IKBIP: variants seen among roughly 807,000 people sequenced by gnomAD.
The protein encoded by IKBIP is IKBKB interacting protein.
IKBIP carries 28 observed loss-of-function variants against 31.0 expected under a neutral mutation model. The observed-to-expected ratio is 0.90, with a 90% CI of 0.67 to 1.24. The LOEUF (loss-of-function observed/expected upper bound fraction) is 1.24. IKBIP is among the 50% of genes most tolerant of loss of function. The probability of loss-of-function intolerance (pLI) is 0.00; values close to 1 mark genes in which losing one functional copy is unlikely to be tolerated. For synonymous variants in IKBIP, 164 were observed against 160.3 expected, an observed-to-expected ratio of 1.02 and a Z score of -0.17; for missense variants, 453 against 441.9, an observed-to-expected ratio of 1.03 and a Z score of -0.23.
chr12:98,619,281 T>C (rs1482530361), downstream of IKBIP, among the ~76,000 whole-genome samples: 7 of 152,258 alleles, frequency 4.6e-5, no homozygotes, highest in East Asian at 1.3e-3. Context: ...TTAATCTATT[T>C]CATTACCAGG....
chr12:98,634,663 T>C (rs977125636), intron 1 of IKBIP, among the ~76,000 whole-genome samples: 3 of 149,970 alleles, frequency 2.0e-5, no homozygotes, highest in African/African-American at 7.3e-5. Flanking sequence ...ACCTCCCAAA[T>C]AGCTAGGACT....
downstream of IKBIP, among the ~76,000 whole-genome samples, chr12:98,622,930 T>C (rs2097611219): frequency 6.9e-6 from 1 of 144,824 alleles, no homozygotes; most frequent in African/African-American, 2.9e-5. Context: ...ATTAGGTGCT[T>C]GTATTGTAAA....
chr12:98,613,643 A>T (rs778109580), exon 3 of IKBIP: 1 of 1,568,666 alleles, frequency 6.4e-7, no homozygotes, highest in Non-Finnish European at 8.7e-7. Context: ...CTCAGCTTGG[A>T]CTATTGTTAA....
chr12:98,638,038 G>C (rs1333981683), intron 1 of IKBIP, among the ~76,000 whole-genome samples: 2 of 152,072 alleles, frequency 1.3e-5, no homozygotes, highest in Non-Finnish European at 2.9e-5. Context: ...AAGCAATTAG[G>C]GTCTGCTAAA....
At chr12:98,635,149 C>T (rs917435939) in intron 1 of IKBIP, among the ~76,000 whole-genome samples, 1 of 151,934 alleles carries the variant, frequency 6.6e-6, no homozygotes, top group African/African-American at 2.4e-5. Context: ...GGATTAAAGG[C>T]ACCTGCCACC....
At chr12:98,639,165 C>T (rs2097628392) in intron 1 of IKBIP, among the ~76,000 whole-genome samples, 1 of 152,084 alleles carries the variant, frequency 6.6e-6, no homozygotes, top group South Asian at 2.1e-4. Context: ...CTCAGCCTCC[C>T]AGCTAGCTGG....
intron 1 of IKBIP, among the ~76,000 whole-genome samples, chr12:98,642,826 T>C (rs889358756): frequency 1.3e-5 from 2 of 152,010 alleles, no homozygotes; most frequent in Admixed American, 6.6e-5. Context: ...CTCAAACTCC[T>C]GACCTCAGGT....
downstream of IKBIP, among the ~76,000 whole-genome samples, chr12:98,622,129 TTGACATACG>T (rs1476202967): frequency 1.3e-5 from 2 of 151,852 alleles, no homozygotes; most frequent in Non-Finnish European, 2.9e-5. Context: ...CTAGAAATGC[TTGACATACG>T]TGTGGGTATG....
chr12:98,613,735 T>C, exon 3 of IKBIP: 1 of 1,612,916 alleles, frequency 6.2e-7, no homozygotes, highest in Non-Finnish European at 8.5e-7. Context: ...TGCGTAGTGT[T>C]AAATCATTTA....
At chr12:98,642,085 A>C (rs913064476) in intron 1 of IKBIP, among the ~76,000 whole-genome samples, 1 of 152,240 alleles carries the variant, frequency 6.6e-6, no homozygotes, top group African/African-American at 2.4e-5. Context: ...TCCTGATGTG[A>C]GGGAAATTTT....
At chr12:98,618,016 A>G (rs544991701) in intron 2 of IKBIP, among the ~76,000 whole-genome samples, 1 of 152,128 alleles carries the variant, frequency 6.6e-6, no homozygotes, top group East Asian at 1.9e-4. Flanking sequence ...GGGAGTTTGT[A>G]GTTTAGTTTG....
chr12:98,642,811 C>G (rs2097631798), intron 1 of IKBIP, among the ~76,000 whole-genome samples: 1 of 151,650 alleles, frequency 6.6e-6, no homozygotes, highest in African/African-American at 2.4e-5. Context: ...GTTGGCCAGG[C>G]TGGTCTCAAA....
Position 98,626,595 on chromosome 12 carries a change from C to T in IKBIP, c.469G>A (p.Asp157Asn), listed in dbSNP as rs138499982. The change falls in exon 3 of 3, where the codon GAT (aspartate) becomes AAT (asparagine). Residue 157 changes from aspartate (D) to asparagine (N), a missense_variant. Physicochemically the swap from Asp to Asn is conservative, Grantham distance 23 (BLOSUM62 1). Coordinates refer to ENST00000299157, the MANE Select transcript of IKBIP (RefSeq NM_153687.4). ...TCTTCTAGGCTTCTCTTCCAGAAAT[C>T]CGTAATATTCTGAAATTTCTCATTA... ...SLNEKFQNIT[D>N]FWKRSLEEMN... 6.2e-7 allele frequency: 1 copy of T among 1,613,578 alleles called. No individual in the cohort carries two copies. The highest frequency in any genetic ancestry group is 1.1e-5 in the South Asian group (1 of 91,044).
At chr12:98,614,440 T>C in intron 2 of IKBIP, 1 of 698,364 alleles carries the variant, frequency 1.4e-6, no homozygotes, top group East Asian at 3.2e-5. Context: ...TAATTTTTTT[T>C]TTGAGACAGA....
In IKBIP at chr12:98,644,536, G is replaced by C; in HGVS notation, c.166C>G (p.Leu56Val). 6.2e-7 allele frequency: 1 copy of C among 1,602,724 alleles called. No individual in the cohort carries two copies. Among genetic ancestry groups the C allele is most frequent in the East Asian group, 2.3e-5 (1 of 44,284 alleles). The change falls in exon 1 of 3, where the codon CTG becomes GTG. Residue 56 changes from leucine to valine, a missense_variant. By Grantham distance (32) the Leu-to-Val change is conservative. Transcript: ENST00000299157. Reference protein sequence around the residue: ...CLSLLSLGTCLGLAWFVFQQS... With the variant: ...CLSLLSLGTCVGLAWFVFQQS... ...GCGTCCACTTACCAGGCCAGGCCCA[G>C]GCACGTCCCCAGCGACAGCAGGCTC...
intron 2 of IKBIP, 148 bp downstream of exon 2, chr12:98,634,148 G>C (rs955973303): frequency 1.0e-4 from 54 of 521,006 alleles, no homozygotes; most frequent in Non-Finnish European, 3.4e-5. Context: ...GGCTCAGAGG[G>C]AGAATGTCAA....
intron 2 of IKBIP, among the ~76,000 whole-genome samples, chr12:98,615,737 T>C (rs926125926): frequency 2.0e-5 from 3 of 152,028 alleles, no homozygotes; most frequent in African/African-American, 7.2e-5. Flanking sequence ...CACATATAAT[T>C]GAGATCATGC....
exon 3 of IKBIP, chr12:98,614,150 G>A (rs772658394): frequency 6.2e-7 from 1 of 1,613,628 alleles, no homozygotes; most frequent in Non-Finnish European, 8.5e-7. Context: ...TTTTGCCATG[G>A]AAGTTGTACT....
chr12:98,630,252 G>C (rs1048666390), intron 2 of IKBIP, among the ~76,000 whole-genome samples: 12 of 151,668 alleles, frequency 7.9e-5, no homozygotes, highest in African/African-American at 2.9e-4. Context: ...GGGTATGTTG[G>C]CACATGCCTG....
Sources: gnomAD v4.1 joint callset for allele counts (sites outside exome capture counted in the v4.1 genomes callset) on GRCh38, gnomAD v4.1.1 for gene constraint, MANE v1.5 for transcripts, NCBI Gene and HGNC (gene_info 2026-07-23, HGNC 2026-07-21) for gene names.